Variants in PTPRN2 observed in about 807,000 individuals in gnomAD.
PTPRN2 encodes protein tyrosine phosphatase receptor type N2, also known as receptor-type tyrosine-protein phosphatase N2.
A neutral mutation model predicts 118.8 loss-of-function variants in PTPRN2; 74 were observed. That is an observed-to-expected ratio of 0.62 (90% CI 0.52 to 0.76). The LOEUF is 0.76. Ranked by LOEUF, PTPRN2 falls within the 30% of genes least tolerant of loss-of-function variation. PTPRN2 has a pLI of 0.00. For synonymous variants in PTPRN2, 641 were observed against 608.0 expected, an observed-to-expected ratio of 1.05 and a Z score of -0.80; for missense variants, 1,481 against 1,394.4, an observed-to-expected ratio of 1.06 and a Z score of -0.99.
At chr7:157,556,835 T>C (rs1210884055) in intron 21 of PTPRN2, among the ~76,000 whole-genome samples, 2 of 141,696 alleles carry the variant, frequency 1.4e-5, no homozygotes, top group Admixed American at 7.0e-5. Flanking sequence ...CACACAAATA[T>C]ACACACAGCC....
At chr7:158,400,662 G>A (rs1313401441) in intron 2 of PTPRN2, among the ~76,000 whole-genome samples, 1 of 152,156 alleles carries the variant, frequency 6.6e-6, no homozygotes, top group Non-Finnish European at 1.5e-5. Context: ...CAGGTCCCAA[G>A]GCAGCATCTC....
Position 158,326,074 on chromosome 7 carries a change from AC to A in PTPRN2, c.164-9143del, listed in dbSNP as rs1377925724. On this transcript the variant is annotated intron_variant, in intron 2 of 22. Transcript: ENST00000389418. ...CGCACTTTCCAGAGAGAATGGGACC[AC>A]ATCCAGGGCCCCACAGGCCATACCC... 2.0e-5 allele frequency among the ~76,000 whole-genome samples: 3 copies of A among 152,304 alleles called. No individual in the cohort carries two copies. In the East Asian group the frequency reaches 5.8e-4, roughly 29 times the overall value.
At chr7:157,888,631 C>A (rs956696758) in intron 12 of PTPRN2, among the ~76,000 whole-genome samples, 3 of 134,174 alleles carry the variant, frequency 2.2e-5, no homozygotes, top group Non-Finnish European at 4.6e-5. Flanking sequence ...TGATTTTAAA[C>A]CTTTGTCATG....
intron 12 of PTPRN2, among the ~76,000 whole-genome samples, chr7:157,872,395 CCCCCCACACACATACCCAGTG>C (rs1563193681): frequency 2.2e-5 from 3 of 133,578 alleles, no homozygotes; most frequent in African/African-American, 9.2e-5. Flanking sequence ...CCAGTGTCCT[CCCCCCACACACATACCCAGTG>C]TCTTTCCCAC....
At chr7:157,782,385 G>A (rs1803733871) in intron 12 of PTPRN2, among the ~76,000 whole-genome samples, 1 of 152,256 alleles carries the variant, frequency 6.6e-6, no homozygotes, top group African/African-American at 2.4e-5. Flanking sequence ...AGGCGTCTGG[G>A]AGGGCCGGTT....
intron 5 of PTPRN2, among the ~76,000 whole-genome samples, chr7:158,171,314 T>TATATATATATATATATATACATAC (rs1823659285): frequency 1.0e-5 from 1 of 98,316 alleles, no homozygotes; most frequent in African/African-American, 4.6e-5. Context: ...CACACATATA[T>TATATATATATATATATATACATAC]ATATATATAT....
At chr7:158,472,243 C>T (rs760941176) in intron 2 of PTPRN2, among the ~76,000 whole-genome samples, 4 of 152,106 alleles carry the variant, frequency 2.6e-5, no homozygotes, top group South Asian at 2.1e-4. Context: ...CCATAAATTC[C>T]GTGGGCCTTT....
At chr7:158,256,588 G>A (rs1797036948) in intron 3 of PTPRN2, among the ~76,000 whole-genome samples, 1 of 152,096 alleles carries the variant, frequency 6.6e-6, no homozygotes, top group African/African-American at 2.4e-5. Context: ...GGGCGGGGGG[G>A]AACCTAGGCA....
intron 21 of PTPRN2, among the ~76,000 whole-genome samples, chr7:157,564,238 T>C (rs1799372594): frequency 6.6e-6 from 1 of 152,188 alleles, no homozygotes; most frequent in Non-Finnish European, 1.5e-5. Context: ...TTCAAGTGAT[T>C]CTCCTGCCTC....
At chr7:157,909,069 C>A (rs1797933217) in intron 11 of PTPRN2, among the ~76,000 whole-genome samples, 2 of 151,984 alleles carry the variant, frequency 1.3e-5, no homozygotes, top group South Asian at 4.2e-4. Flanking sequence ...CAATAATTTA[C>A]AAAATTATGT....
At chr7:158,376,434 A>AG (rs1810518116) in intron 2 of PTPRN2, among the ~76,000 whole-genome samples, 1 of 140,968 alleles carries the variant, frequency 7.1e-6, no homozygotes, top group Non-Finnish European at 1.5e-5. Flanking sequence ...GTCCTGAGGG[A>AG]GGGGTTCAGG....
intron 12 of PTPRN2, among the ~76,000 whole-genome samples, chr7:157,754,109 T>C (rs1042623874): frequency 6.6e-6 from 1 of 151,564 alleles, no homozygotes; most frequent in African/African-American, 2.4e-5. Flanking sequence ...CTCCGAGGAG[T>C]TGGGGTGTGA....
intron 2 of PTPRN2, among the ~76,000 whole-genome samples, chr7:158,364,128 C>T (rs1000775734): frequency 6.6e-6 from 1 of 152,160 alleles, no homozygotes; most frequent in Non-Finnish European, 1.5e-5. Context: ...CCATGCTTCC[C>T]CCAGCAGGGT....
Position 157,560,170 on chromosome 7 carries a change from G to C in PTPRN2, c.2902+8732C>G, listed in dbSNP as rs1799113558. 6.6e-6 allele frequency among the ~76,000 whole-genome samples: 1 copy of C among 152,150 alleles called. No individual in the cohort carries two copies. Among genetic ancestry groups the C allele is most frequent in the Non-Finnish European group, 1.5e-5 (1 of 68,006 alleles). ...GACATCAGACCCAGGAGTGGGTGAGGAGCCCCTGCAGCCAGGCTATGTGAA... is the reference window on the plus strand; with the variant it reads ...GACATCAGACCCAGGAGTGGGTGAGCAGCCCCTGCAGCCAGGCTATGTGAA... On this transcript the variant is annotated intron_variant, in intron 21 of 22. Transcript: ENST00000389418. The surrounding 1 kb of genome is among the most constrained non-coding windows in gnomAD (Gnocchi z 6.7).
At chr7:158,484,740 C>CG (rs1820880799) in intron 2 of PTPRN2, among the ~76,000 whole-genome samples, 1 of 152,004 alleles carries the variant, frequency 6.6e-6, no homozygotes, top group Non-Finnish European at 1.5e-5. Flanking sequence ...ACGGCGATTC[C>CG]CAGGTTCCTC....
At chr7:158,357,500 G>A (rs777867706) in intron 2 of PTPRN2, among the ~76,000 whole-genome samples, 15 of 152,226 alleles carry the variant, frequency 9.9e-5, no homozygotes, top group Non-Finnish European at 2.1e-4. Flanking sequence ...AAGGCCAGGG[G>A]CTGGCCCAAC....
chr7:157,817,920 G>A (rs1453811450), intron 12 of PTPRN2, among the ~76,000 whole-genome samples: 1 of 151,980 alleles, frequency 6.6e-6, no homozygotes, highest in African/African-American at 2.4e-5. Context: ...TGTATCATGT[G>A]TGATGTGTAT....
intron 9 of PTPRN2, among the ~76,000 whole-genome samples, chr7:158,124,043 T>G (rs1323795492): frequency 6.6e-6 from 1 of 152,212 alleles, no homozygotes; most frequent in African/African-American, 2.4e-5. Context: ...TCAGATCCCG[T>G]GCCGACATGG....
At chr7:158,378,744 C>T (rs1414181481) in intron 2 of PTPRN2, among the ~76,000 whole-genome samples, 10 of 152,132 alleles carry the variant, frequency 6.6e-5, no homozygotes, top group Non-Finnish European at 1.5e-4. Context: ...TAGGCTCAGG[C>T]AGGCACATTT....
Sources: allele counts gnomAD v4.1 joint callset (sites outside exome capture counted in the v4.1 genomes callset), GRCh38; gene constraint gnomAD v4.1.1; non-coding constraint Gnocchi (gnomAD v3.1); transcripts MANE v1.5; gene names NCBI Gene and HGNC (gene_info 2026-07-23, HGNC 2026-07-21).